MTHFD1L: variants seen among roughly 807,000 people sequenced by gnomAD.
The protein encoded by MTHFD1L is monofunctional C1-tetrahydrofolate synthase, mitochondrial.
In MTHFD1L, 81 loss-of-function variants were observed where a neutral mutation model predicts 119.5. The observed-to-expected ratio is 0.68, with a 90% CI of 0.57 to 0.82. MTHFD1L has a LOEUF of 0.82. Ranked by LOEUF, MTHFD1L falls within the 40% of genes least tolerant of loss-of-function variation. The probability of loss-of-function intolerance (pLI) is 0.00; values close to 1 mark genes in which losing one functional copy is unlikely to be tolerated. For synonymous variants in MTHFD1L, 430 were observed against 475.2 expected, an observed-to-expected ratio of 0.90 and a Z score of 1.24; for missense variants, 1,125 against 1,253.4, an observed-to-expected ratio of 0.90 and a Z score of 1.55.
In MTHFD1L at chr6:151,015,644, G is replaced by A. The variant is rs745770392; in HGVS notation, c.2537G>A (p.Arg846Lys). 6.2e-7 allele frequency: 1 copy of A among 1,614,154 alleles called. No homozygotes were observed. Among genetic ancestry groups the A allele is most frequent in the South Asian group, 1.1e-5 (1 of 91,086 alleles). The change falls in exon 24 of 28, where the codon AGA (arginine) becomes AAA (lysine). Residue 846 changes from arginine to lysine, a missense_variant. This residue lies in a region of MTHFD1L where 1,058 missense variants were observed against 1,151.2 expected (regional missense o/e 0.92). Transcript: ENST00000367321. ...TCGGTGGACTTGGCTCGGGCTGTGA[G>A]AGAGGCTGCGAGTAAAAGAAGCCGA... is the stretch of plus-strand genomic sequence containing the variant. ...KGSVDLARAVREAASKRSRFQ... is the reference protein window; with the variant it reads ...KGSVDLARAVKEAASKRSRFQ...
intron 19 of MTHFD1L, among the ~76,000 whole-genome samples, chr6:150,971,172 C>A (rs1772333435): frequency 6.6e-6 from 1 of 151,954 alleles, no homozygotes; most frequent in South Asian, 2.1e-4. Context: ...ACATGTGTCC[C>A]TAGGTTTTAT....
chr6:151,091,463 G>A (rs1794444706), intron 26 of MTHFD1L, among the ~76,000 whole-genome samples: 1 of 152,106 alleles, frequency 6.6e-6, no homozygotes, highest in Admixed American at 6.5e-5. Context: ...AGCACACAGG[G>A]GGCTTCTGAT....
intron 24 of MTHFD1L, among the ~76,000 whole-genome samples, chr6:151,018,532 A>T (rs997726101): frequency 1.3e-5 from 2 of 152,212 alleles, no homozygotes; most frequent in Admixed American, 6.5e-5. Flanking sequence ...AAACTAAAGC[A>T]CGAAGAGACT....
chr6:151,057,259 C>T (rs1362060712), intron 26 of MTHFD1L: 24 of 984,794 alleles, frequency 2.4e-5, no homozygotes, highest in South Asian at 9.4e-5. Flanking sequence ...TCATGTTCTT[C>T]GCTGAAATCA....
intron 26 of MTHFD1L, among the ~76,000 whole-genome samples, chr6:151,089,612 C>T (rs1278361245): frequency 6.6e-6 from 1 of 152,170 alleles, no homozygotes; most frequent in Non-Finnish European, 1.5e-5. Flanking sequence ...AAAACAAAAA[C>T]CTCCTATAAA....
intron 7 of MTHFD1L, among the ~76,000 whole-genome samples, chr6:150,901,807 T>G (rs1266960597): frequency 6.6e-6 from 1 of 152,214 alleles, no homozygotes; most frequent in Non-Finnish European, 1.5e-5. Context: ...TAAAGTAATG[T>G]TCATCATTTT....
At chr6:150,914,607 G>A (rs922129409) in intron 8 of MTHFD1L, among the ~76,000 whole-genome samples, 4 of 151,750 alleles carry the variant, frequency 2.6e-5, no homozygotes, top group Non-Finnish European at 4.4e-5. Context: ...TGCAATGATC[G>A]TGATCACATC....
intron 7 of MTHFD1L, among the ~76,000 whole-genome samples, chr6:150,902,193 C>G (rs1785192910): frequency 6.6e-6 from 1 of 152,124 alleles, no homozygotes; most frequent in South Asian, 2.1e-4. Flanking sequence ...TCCTCCCTTT[C>G]CCCCATCTCT....
intron 27 of MTHFD1L, among the ~76,000 whole-genome samples, chr6:151,098,025 T>G (rs1420200499): frequency 6.6e-6 from 1 of 151,828 alleles, no homozygotes; most frequent in African/African-American, 2.4e-5. Flanking sequence ...AATAGAAAAA[T>G]TAGCCAGGCG....
chr6:150,871,570 C>T (rs1183140), intron 1 of MTHFD1L, among the ~76,000 whole-genome samples: 5 of 140,082 alleles, frequency 3.6e-5, no homozygotes, highest in African/African-American at 2.7e-5. Context: ...GCTGCGATCT[C>T]GGCTCGCTGG....
At chr6:151,050,005 A>C (rs1401748250) in intron 26 of MTHFD1L, among the ~76,000 whole-genome samples, 1 of 152,122 alleles carries the variant, frequency 6.6e-6, no homozygotes, top group East Asian at 1.9e-4. Flanking sequence ...AGTGTCCATA[A>C]AAACCCAAGA....
intron 25 of MTHFD1L, 21 bp from the exon 26 acceptor site, chr6:151,036,944 A>G (rs1448695460): frequency 5.0e-6 from 8 of 1,611,338 alleles, no homozygotes; most frequent in South Asian, 1.1e-5. Context: ...CAGTGAACAC[A>G]TTTTCTTTCC....
chr6:150,885,161 C>T (rs927269329), intron 5 of MTHFD1L, among the ~76,000 whole-genome samples: 1 of 151,104 alleles, frequency 6.6e-6, no homozygotes, highest in South Asian at 2.1e-4. Context: ...ATTGAATGGC[C>T]TTTATTGCCT....
intron 7 of MTHFD1L, among the ~76,000 whole-genome samples, chr6:150,899,305 G>A (rs1454480438): frequency 3.3e-5 from 5 of 152,270 alleles, no homozygotes; most frequent in South Asian, 2.1e-4. Context: ...CATAAGAAAT[G>A]TCTTCAAATT....
Position 150,926,391 on chromosome 6 carries a change from T to C in MTHFD1L, c.1256+96T>C. The stretch of plus-strand genomic sequence containing the variant: ...CCTCGTACCCCTCAATCCATCCTAT[T>C]CTCACATTTGACATTTCGTCCATTT... On this transcript the variant is annotated intron_variant, in intron 11 of 27. Transcript: ENST00000367321. The surrounding 1 kb of genome is among the most constrained non-coding windows in gnomAD (Gnocchi z 4.3). 8.9e-7 allele frequency: 1 copy of C among 1,122,750 alleles called. No individual in the cohort carries two copies. Among genetic ancestry groups the C allele is most frequent in the Admixed American group, 2.5e-5 (1 of 39,936 alleles). 69.5% of individuals were successfully genotyped at this position (1,122,750 alleles called of 1,614,324 possible).
At chr6:151,091,525 G>A (rs147688217) in intron 26 of MTHFD1L, among the ~76,000 whole-genome samples, 9 of 152,134 alleles carry the variant, frequency 5.9e-5, no homozygotes, top group East Asian at 1.9e-4. Context: ...ACAGCAAGGC[G>A]GTGAAGAACC....
intron 2 of MTHFD1L, among the ~76,000 whole-genome samples, chr6:150,877,215 G>C (rs1269469642): frequency 6.6e-6 from 1 of 152,046 alleles, no homozygotes. Context: ...ATCACGCCGG[G>C]CTAATGTTTG....
chr6:151,023,924 C>CT (rs1297587919), intron 24 of MTHFD1L, among the ~76,000 whole-genome samples: 1 of 152,106 alleles, frequency 6.6e-6, no homozygotes, highest in African/African-American at 2.4e-5. Flanking sequence ...AGAGTGTCCA[C>CT]TTTCTCAATC....
intron 27 of MTHFD1L, chr6:151,099,575 C>T: frequency 1.9e-6 from 3 of 1,607,736 alleles, no homozygotes; most frequent in African/African-American, 1.3e-5. Context: ...AAAAAGAGAA[C>T]CAAGAAGTTC....
Sources: allele counts gnomAD v4.1 joint callset (sites outside exome capture counted in the v4.1 genomes callset), GRCh38; gene constraint gnomAD v4.1.1; regional missense constraint gnomAD v4.1.1; non-coding constraint Gnocchi (gnomAD v3.1); transcripts MANE v1.5; gene names NCBI Gene and HGNC (gene_info 2026-07-23, HGNC 2026-07-21).